Variants in TMEM108 observed in about 807,000 individuals in gnomAD.
The protein encoded by TMEM108 is cancer/testis antigen 124.
Under a neutral mutation model 35.1 loss-of-function variants are expected in TMEM108, and 12 were observed. That is an observed-to-expected ratio of 0.34 (90% confidence interval 0.22 to 0.55). The LOEUF (loss-of-function observed/expected upper bound fraction) is 0.55. TMEM108 is among the 20% of genes least tolerant of loss of function. The probability of loss-of-function intolerance (pLI) is 0.89; values close to 1 mark genes in which losing one functional copy is unlikely to be tolerated. For synonymous variants in TMEM108, 287 were observed against 308.6 expected (o/e 0.93, Z 0.73); for missense variants, 680 against 753.3 (o/e 0.90, Z 1.14).
At chr3:133,193,500 T>G (rs1236134335) in intron 2 of TMEM108, among the ~76,000 whole-genome samples, 2 of 152,154 alleles carry the variant, frequency 1.3e-5, no homozygotes, top group African/African-American at 4.8e-5. Flanking sequence ...AGTCCTGAGT[T>G]GGAATCATGG....
intron 2 of TMEM108, among the ~76,000 whole-genome samples, chr3:133,048,450 C>T (rs1451260258): frequency 2.6e-5 from 4 of 152,150 alleles, no homozygotes. Context: ...GTTCTTTTGA[C>T]AGTTTTCTAG....
At chr3:133,224,589 G>T (rs1007148809) in intron 2 of TMEM108, among the ~76,000 whole-genome samples, 1 of 152,090 alleles carries the variant, frequency 6.6e-6, no homozygotes, top group Admixed American at 6.5e-5. Flanking sequence ...CATGAGATCC[G>T]ATGGTTTTAT....
rs951875858 is a variant in TMEM108 at position 133,386,497 on chromosome 3, G to A, written c.1451-3683G>A. 5.2e-6 allele frequency: 8 copies of A among 1,535,842 alleles called. No individual in the cohort carries two copies. The African/African-American group carries it at 9.6e-5, about 18-fold the overall frequency. On this transcript the variant is annotated intron_variant, in intron 4 of 5. Coordinates refer to ENST00000321871, the MANE Select transcript of TMEM108 (RefSeq NM_023943.4). Reference sequence around the variant, plus strand: ...ACTCAGGGCTCCATCTGAAAATGGAGTGACCCCTCTTCTTCCTGTCACACA... The same window carrying A: ...ACTCAGGGCTCCATCTGAAAATGGAATGACCCCTCTTCTTCCTGTCACACA...
At position 133,379,845 on chromosome 3, in the gene TMEM108, C is replaced by T. The variant is rs200624038; in HGVS notation, c.134C>T (p.Thr45Ile). The T allele has an allele frequency of 6.9e-5, 111 of 1,614,062 alleles. No homozygotes were observed. Among genetic ancestry groups the T allele is most frequent in the Admixed American group, 6.2e-4 (37 of 60,020 alleles). ...RESLQVLPSG[T>I]PPGTMVTAPH... is the part of the protein sequence containing the mutation. ...TCTCTTCAGGTCCTCCCTTCAGGCA[C>T]TCCCCCGGGAACCATGGTGACAGCA... Residue 45 changes from threonine to isoleucine, a missense_variant, in exon 4 of 6, where the codon ACT becomes ATT. By Grantham distance (89) the Thr-to-Ile change is moderately conservative. Transcript: ENST00000321871.
chr3:133,191,634 T>C (rs1945499349), intron 2 of TMEM108, among the ~76,000 whole-genome samples: 1 of 152,194 alleles, frequency 6.6e-6, no homozygotes, highest in Non-Finnish European at 1.5e-5. Flanking sequence ...GAAAATATTC[T>C]CTCGTCAATC....
intron 2 of TMEM108, among the ~76,000 whole-genome samples, chr3:133,122,707 C>A (rs772352662): frequency 6.6e-6 from 1 of 151,670 alleles, no homozygotes; most frequent in Non-Finnish European, 1.5e-5. Flanking sequence ...ACTAAAAATA[C>A]AAAAAATTAG....
intron 2 of TMEM108, among the ~76,000 whole-genome samples, chr3:133,185,682 A>C (rs56761933): frequency 0.017 from 2,602 of 151,734 alleles, 99 homozygotes; most frequent in African/African-American, 0.059. Context: ...TCATTGATTT[A>C]TCCAGCTGTC....
chr3:133,115,213 T>C (rs1944271975), intron 2 of TMEM108, among the ~76,000 whole-genome samples: 1 of 152,214 alleles, frequency 6.6e-6, no homozygotes, highest in African/African-American at 2.4e-5. Context: ...GTATAATCTT[T>C]AACTTTTCAA....
intron 2 of TMEM108, among the ~76,000 whole-genome samples, chr3:133,207,825 A>G (rs1945780371): frequency 6.6e-6 from 1 of 152,208 alleles, no homozygotes. Flanking sequence ...AAAATTAGCC[A>G]TTAGAATTCA....
intron 2 of TMEM108, among the ~76,000 whole-genome samples, chr3:133,067,077 T>C (rs980420770): frequency 1.3e-5 from 2 of 152,214 alleles, no homozygotes; most frequent in African/African-American, 4.8e-5. Flanking sequence ...TTCTTATTTG[T>C]GTCTCCTGGT....
intron 3 of TMEM108, among the ~76,000 whole-genome samples, chr3:133,313,812 A>G (rs1195288586): frequency 6.6e-6 from 1 of 152,084 alleles, no homozygotes. Flanking sequence ...GTGTCCCTGG[A>G]AAAGAGAGGA....
chr3:133,149,319 A>C (rs1017351325), intron 2 of TMEM108, among the ~76,000 whole-genome samples: 3 of 152,226 alleles, frequency 2.0e-5, no homozygotes, highest in Non-Finnish European at 2.9e-5. Flanking sequence ...TACCAAATCA[A>C]GCAAATTAAC....
Position 133,380,986 on chromosome 3 carries a change from C to T in TMEM108, c.1275C>T (p.Ala425=). Residue 425 remains alanine (A), a synonymous_variant, in exon 4 of 6, where the codon GCC becomes GCT. Coordinates refer to ENST00000321871, the MANE Select transcript of TMEM108 (RefSeq NM_023943.4). This position sits in a 1 kb window ranked among gnomAD's most constrained non-coding sequence, Gnocchi z 5.3. ...CTCTCTCCACAGTGGTATCCACAGC[C>T]ACAGGCAATTTCCTCAACCGCCTGG... ...PSPLSTVVST[A]TGNFLNRLVP... is the part of the protein sequence containing the mutation. 1 of 1,614,212 alleles carries T rather than the reference C, an allele frequency of 6.2e-7. No homozygotes were observed. Among genetic ancestry groups the T allele is most frequent in the Non-Finnish European group, 8.5e-7 (1 of 1,180,020 alleles).
At chr3:133,044,961 C>CTTTTTTTTTTTTTTTT (rs11444221) in intron 1 of TMEM108, among the ~76,000 whole-genome samples, 2 of 142,826 alleles carry the variant, frequency 1.4e-5, no homozygotes, top group Non-Finnish European at 3.0e-5. Flanking sequence ...TGAAGTGCTG[C>CTTTTTTTTTTTTTTTT]TTTTTTTTTT....
At chr3:133,291,008 G>A (rs6790651) in intron 3 of TMEM108, among the ~76,000 whole-genome samples, 1 of 152,168 alleles carries the variant, frequency 6.6e-6, no homozygotes, top group Non-Finnish European at 1.5e-5. Flanking sequence ...GTTAACACCA[G>A]CTGCTCATAT....
chr3:133,157,217 A>G (rs1258828625), intron 2 of TMEM108, among the ~76,000 whole-genome samples: 1 of 152,152 alleles, frequency 6.6e-6, no homozygotes, highest in Admixed American at 6.5e-5. Flanking sequence ...GTTGGCCTCA[A>G]CCCAGTCATG....
At chr3:133,322,027 G>A (rs1473813164) in intron 3 of TMEM108, among the ~76,000 whole-genome samples, 1 of 152,152 alleles carries the variant, frequency 6.6e-6, no homozygotes, top group Non-Finnish European at 1.5e-5. Context: ...CACAGGAAAA[G>A]TGGTGCTAAG....
intron 3 of TMEM108, among the ~76,000 whole-genome samples, chr3:133,297,211 GCA>G (rs2107700098): frequency 1.3e-5 from 2 of 152,314 alleles, no homozygotes; most frequent in East Asian, 3.9e-4. Flanking sequence ...CGTGGCTGAG[GCA>G]CACTTCCCTC....
At chr3:133,155,858 C>A (rs749266543) in intron 2 of TMEM108, among the ~76,000 whole-genome samples, 3 of 151,858 alleles carry the variant, frequency 2.0e-5, no homozygotes, top group Admixed American at 6.6e-5. Context: ...AATTAGGTCC[C>A]ATTTATCAAT....
Sources: gnomAD v4.1 joint callset for allele counts (sites outside exome capture counted in the v4.1 genomes callset) on GRCh38, gnomAD v4.1.1 for gene constraint, Gnocchi (gnomAD v3.1) non-coding constraint, MANE v1.5 for transcripts, NCBI Gene and HGNC (gene_info 2026-07-23, HGNC 2026-07-21) for gene names.